CEP128: variants seen among roughly 807,000 people sequenced by gnomAD.
CEP128 encodes centrosomal protein 128, also known as centrosomal protein 128kDa.
In CEP128, 132 loss-of-function variants were observed where a neutral mutation model predicts 156.7. That is an observed-to-expected ratio of 0.84 (90% CI 0.73 to 0.97). The LOEUF (loss-of-function observed/expected upper bound fraction) is 0.97, where lower values mean the gene tolerates loss of function less well. CEP128 is among the 50% of genes least tolerant of loss of function. CEP128 has a pLI of 0.00. For missense variants in CEP128, 1,252 were observed against 1,281.9 expected (o/e 0.98, Z 0.36); for synonymous variants, 469 against 448.9 (o/e 1.04, Z -0.57).
In CEP128 at chr14:80,707,779, A is replaced by T. The variant is rs549602277; in HGVS notation, c.2806+35296T>A. ...CTCAAGACAAACATAATTGTCTAAA[A>T]TACCACCAATACCACAAGAAAATAT... is the stretch of plus-strand genomic sequence containing the variant. On this transcript the variant is annotated intron_variant, in intron 19 of 24. Coordinates refer to ENST00000555265, the MANE Select transcript of CEP128 (RefSeq NM_152446.5). Among the ~76,000 whole-genome samples, 9 of 152,306 alleles carry T rather than the reference A, an allele frequency of 5.9e-5. No individual in the cohort carries two copies. In the East Asian group the frequency reaches 1.5e-3, roughly 26 times the overall value.
At chr14:80,684,816 T>A (rs1374937503) in intron 19 of CEP128, among the ~76,000 whole-genome samples, 1 of 151,998 alleles carries the variant, frequency 6.6e-6, no homozygotes, top group Non-Finnish European at 1.5e-5. Flanking sequence ...TCAGTAAATG[T>A]TATTCACCAC....
chr14:80,761,561 C>A lies in CEP128; in HGVS notation c.2429G>T (p.Arg810Ile). Residue 810 changes from arginine to isoleucine, a missense_variant, in exon 17 of 25, where the codon AGA (arginine) becomes ATA (isoleucine). Arg to Ile is a moderately conservative substitution (Grantham distance 97, BLOSUM62 -3). Transcript: ENST00000555265. ...EEHLRRMEEA[R>I]LQLKDQLLCL... Reference sequence around the variant, plus strand: ...AAGAAGTTGATCCTTGAGCTGCAATCTGGCCTCTTCCATCCTCCTTAAGTG... The same window carrying A: ...AAGAAGTTGATCCTTGAGCTGCAATATGGCCTCTTCCATCCTCCTTAAGTG... The A allele has an allele frequency of 6.2e-7, 1 of 1,612,616 alleles. No homozygotes were observed. The highest frequency in any genetic ancestry group is 1.3e-5 in the African/African-American group (1 of 75,020).
intron 14 of CEP128, among the ~76,000 whole-genome samples, chr14:80,792,555 A>G (rs1901766584): frequency 6.6e-6 from 1 of 152,258 alleles, no homozygotes; most frequent in South Asian, 2.1e-4. Context: ...GAAAAGCCAC[A>G]TAATATTAAA....
chr14:80,883,719 G>GA (rs998406810), intron 8 of CEP128, among the ~76,000 whole-genome samples: 137 of 151,642 alleles, frequency 9.0e-4, no homozygotes, highest in African/African-American at 3.1e-3. Context: ...CACTGAAATA[G>GA]AAAAAAAATC....
chr14:80,745,789 C>A (rs553324878), intron 18 of CEP128, among the ~76,000 whole-genome samples: 8 of 151,810 alleles, frequency 5.3e-5, no homozygotes, highest in Middle Eastern at 3.4e-3. Flanking sequence ...TAAAAAATAT[C>A]CAGATTGAAA....
At chr14:80,714,050 C>T (rs1387204852) in intron 19 of CEP128, among the ~76,000 whole-genome samples, 2 of 151,984 alleles carry the variant, frequency 1.3e-5, no homozygotes, top group Admixed American at 1.3e-4. Flanking sequence ...CACAGGGGAT[C>T]CAATTTTAAT....
intron 2 of CEP128, among the ~76,000 whole-genome samples, chr14:80,926,100 A>G (rs1885129284): frequency 6.6e-6 from 1 of 152,130 alleles, no homozygotes; most frequent in African/African-American, 2.4e-5. Context: ...GAGACCTGTG[A>G]TATAATCTTT....
intron 19 of CEP128, among the ~76,000 whole-genome samples, chr14:80,680,662 C>T (rs1896284227): frequency 1.3e-5 from 2 of 152,134 alleles, no homozygotes; most frequent in African/African-American, 4.8e-5. Flanking sequence ...CATGTATCTC[C>T]AAGAATCTGA....
At chr14:80,602,854 A>G (rs1354140317) in intron 19 of CEP128, among the ~76,000 whole-genome samples, 1 of 152,214 alleles carries the variant, frequency 6.6e-6, no homozygotes, top group Non-Finnish European at 1.5e-5. Flanking sequence ...TGATTTTAGA[A>G]AGTAGTAACA....
intron 13 of CEP128, among the ~76,000 whole-genome samples, chr14:80,810,155 T>C (rs1469702421): frequency 6.7e-6 from 1 of 150,238 alleles, no homozygotes; most frequent in Non-Finnish European, 1.5e-5. Context: ...AACCCCGTCT[T>C]TACTAAAAAT....
intron 13 of CEP128, among the ~76,000 whole-genome samples, chr14:80,799,303 C>G (rs1177563820): frequency 6.6e-6 from 1 of 152,228 alleles, no homozygotes; most frequent in African/African-American, 2.4e-5. Context: ...TTTCTTATGC[C>G]TGTCTTTACT....
chr14:80,948,300 AG>A (rs1239948626), intron 2 of CEP128, among the ~76,000 whole-genome samples: 2 of 152,344 alleles, frequency 1.3e-5, no homozygotes, highest in East Asian at 3.9e-4. Flanking sequence ...TACTACTCAA[AG>A]AATCATCTTT....
intron 19 of CEP128, among the ~76,000 whole-genome samples, chr14:80,699,945 G>A (rs1293879937): frequency 6.6e-6 from 1 of 152,128 alleles, no homozygotes; most frequent in Non-Finnish European, 1.5e-5. Flanking sequence ...CAAGCAAAGA[G>A]CTAACAACCT....
chr14:80,687,950 ATCCC>A (rs750755252), intron 19 of CEP128, among the ~76,000 whole-genome samples: 2 of 152,162 alleles, frequency 1.3e-5, no homozygotes, highest in Non-Finnish European at 2.9e-5. Context: ...AACAATTTTT[ATCCC>A]TCCATTAAAA....
chr14:80,846,749 T>C (rs1595490870), intron 9 of CEP128, among the ~76,000 whole-genome samples: 1 of 152,142 alleles, frequency 6.6e-6, no homozygotes, highest in Non-Finnish European at 1.5e-5. Flanking sequence ...GTTAATTATA[T>C]AGAAATCAGA....
chr14:80,711,142 G>A (rs1016821347), intron 19 of CEP128, among the ~76,000 whole-genome samples: 1 of 152,022 alleles, frequency 6.6e-6, no homozygotes, highest in African/African-American at 2.4e-5. Context: ...GTTAAATGTT[G>A]GACTGAGGCA....
chr14:80,945,442 G>A (rs2139649164), upstream of CEP128: 1 of 152,256 alleles, frequency 6.6e-6, no homozygotes, highest in African/African-American at 2.4e-5. Flanking sequence ...CCTTGATTGA[G>A]GTAGATGCGG....
upstream of CEP128, among the ~76,000 whole-genome samples, chr14:80,943,560 C>A (rs1314261523): frequency 1.3e-5 from 2 of 152,200 alleles, no homozygotes; most frequent in African/African-American, 4.8e-5. Context: ...TTACAGGACA[C>A]AACTGGGACC....
chr14:80,733,178 T>C (rs928678424), intron 19 of CEP128, among the ~76,000 whole-genome samples: 1 of 152,102 alleles, frequency 6.6e-6, no homozygotes, highest in Non-Finnish European at 1.5e-5. Flanking sequence ...ACATCAATTC[T>C]CTCTTGCCTT....
Sources: gnomAD v4.1 joint callset for allele counts (sites outside exome capture counted in the v4.1 genomes callset) on GRCh38, gnomAD v4.1.1 for gene constraint, MANE v1.5 for transcripts, NCBI Gene and HGNC (gene_info 2026-07-23, HGNC 2026-07-21) for gene names.